The following SH3GL2 variants were observed in gnomAD, a reference collection of about 807,000 sequenced individuals.
The protein encoded by SH3GL2 is SH3 domain containing GRB2 like 2, endophilin A1.
SH3GL2 carries 24 observed loss-of-function variants against 46.0 expected under a neutral mutation model. The ratio of observed to expected loss-of-function variants is 0.52; its 90% CI spans 0.38 to 0.73. The LOEUF is 0.73. Ranked by LOEUF, SH3GL2 falls within the 30% of genes least tolerant of loss-of-function variation. The pLI, the probability that SH3GL2 is intolerant of heterozygous loss-of-function variation, is 0.00. For missense variants in SH3GL2, 413 were observed against 424.2 expected (o/e 0.97, Z 0.23); for synonymous variants, 196 against 147.1 (o/e 1.33, Z -2.40).
chr9:17,795,472 G>A (rs1301174841), intron 8 of SH3GL2, 72 bp from the exon 9 acceptor site: 4 of 1,221,538 alleles, frequency 3.3e-6, no homozygotes, highest in Non-Finnish European at 3.5e-6. Flanking sequence ...GGTACAGCAG[G>A]CAGCAGATTC....
chr9:17,735,816 G>T, intron 1 of SH3GL2: 3 of 821,734 alleles, frequency 3.7e-6, no homozygotes, highest in Non-Finnish European at 4.4e-6. Flanking sequence ...TAGCAGGTAG[G>T]TGGTGTGGGA....
At chr9:17,775,803 A>G (rs923822248) in intron 3 of SH3GL2, among the ~76,000 whole-genome samples, 7 of 152,130 alleles carry the variant, frequency 4.6e-5, no homozygotes, top group African/African-American at 1.2e-4. Flanking sequence ...CAGAACATAA[A>G]GATGTGACTT....
chr9:17,581,801 C>T (rs933351165), intron 1 of SH3GL2, among the ~76,000 whole-genome samples: 2 of 152,154 alleles, frequency 1.3e-5, no homozygotes, highest in Non-Finnish European at 2.9e-5. Flanking sequence ...TGTGTTCAGG[C>T]GATTCTCCTG....
At chr9:17,583,223 T>C (rs778099710) in intron 1 of SH3GL2, among the ~76,000 whole-genome samples, 14 of 152,204 alleles carry the variant, frequency 9.2e-5, no homozygotes, top group African/African-American at 2.9e-4. Context: ...CAAAAAGATA[T>C]ACTTTCTCCT....
intron 2 of SH3GL2, among the ~76,000 whole-genome samples, chr9:17,752,823 A>G (rs1822885087): frequency 6.6e-6 from 1 of 151,860 alleles, no homozygotes; most frequent in Non-Finnish European, 1.5e-5. Context: ...TAAGCCTAGT[A>G]CTCATTAGTT....
At chr9:17,783,141 A>G (rs1823860606) in intron 3 of SH3GL2, among the ~76,000 whole-genome samples, 2 of 152,050 alleles carry the variant, frequency 1.3e-5, no homozygotes, top group East Asian at 3.9e-4. Flanking sequence ...TTTATCATTG[A>G]ACACTGATAA....
intron 1 of SH3GL2, among the ~76,000 whole-genome samples, chr9:17,644,445 T>A (rs1819757724): frequency 6.6e-6 from 1 of 152,190 alleles, no homozygotes; most frequent in Admixed American, 6.5e-5. Context: ...GATCTTTCCC[T>A]CTTTCTCCCG....
intron 1 of SH3GL2, among the ~76,000 whole-genome samples, chr9:17,698,536 A>G (rs1588251858): frequency 6.6e-6 from 1 of 152,216 alleles, no homozygotes; most frequent in South Asian, 2.1e-4. Flanking sequence ...TAGGTTTTAG[A>G]TAAACTAAGA....
chr9:17,664,015 A>G (rs913966111), intron 1 of SH3GL2, among the ~76,000 whole-genome samples: 1 of 152,148 alleles, frequency 6.6e-6, no homozygotes, highest in African/African-American at 2.4e-5. Flanking sequence ...AGAATACTGA[A>G]ACGTAAAAAT....
At chr9:17,689,072 A>G (rs933587315) in intron 1 of SH3GL2, among the ~76,000 whole-genome samples, 1 of 152,058 alleles carries the variant, frequency 6.6e-6, no homozygotes, top group South Asian at 2.1e-4. Context: ...GTGATAAATC[A>G]TGTTGATAGT....
intron 1 of SH3GL2, among the ~76,000 whole-genome samples, chr9:17,697,778 C>T (rs1216092234): frequency 6.6e-6 from 1 of 152,172 alleles, no homozygotes; most frequent in Non-Finnish European, 1.5e-5. Context: ...TTTGCAGAAG[C>T]AGAAAATGCT....
chr9:17,732,913 G>A (rs4961589), intron 1 of SH3GL2, among the ~76,000 whole-genome samples: 16 of 152,042 alleles, frequency 1.1e-4, no homozygotes, highest in Non-Finnish European at 2.4e-4. Flanking sequence ...AGAAGTTTGA[G>A]TGGGTTTGGA....
intron 1 of SH3GL2, among the ~76,000 whole-genome samples, chr9:17,580,013 T>A (rs1818247735): frequency 6.6e-6 from 1 of 152,196 alleles, no homozygotes; most frequent in Non-Finnish European, 1.5e-5. Flanking sequence ...ATCTTTGGCA[T>A]CTTGGATGTG....
chr9:17,737,248 T>C (rs1397718385), intron 1 of SH3GL2, among the ~76,000 whole-genome samples: 4 of 152,062 alleles, frequency 2.6e-5, no homozygotes, highest in Admixed American at 6.6e-5. Context: ...AAATACCTAA[T>C]GTAGATGACA....
rs1038983153 is a variant in SH3GL2, at chr9:17,579,172, C to T, written c.-71C>T. The stretch of plus-strand genomic sequence containing the variant: ...GAGGCGGCCAGGGGAGCGCGCCGCC[C>T]CGCTCGGCCCTCCAGTCCCCCTCCG... On this transcript the variant is annotated 5_prime_UTR_variant, in exon 1 of 9. Transcript: ENST00000380607. 5 of 1,184,742 alleles carry T rather than the reference C, an allele frequency of 4.2e-6. No homozygotes were observed. Among genetic ancestry groups the T allele is most frequent in the Non-Finnish European group, 5.8e-6 (5 of 859,296 alleles). 73.4% of individuals were successfully genotyped at this position (1,184,742 alleles called of 1,614,324 possible). A position where few individuals can be genotyped will look rare whatever the true frequency, so the allele number is the denominator to read the frequency against.
chr9:17,759,131 C>G (rs772899451), intron 2 of SH3GL2, among the ~76,000 whole-genome samples: 8 of 152,104 alleles, frequency 5.3e-5, no homozygotes, highest in Non-Finnish European at 1.2e-4. Flanking sequence ...CTTCCTTGCT[C>G]ACCTCCCTGT....
chr9:17,633,072 A>G (rs997591199), intron 1 of SH3GL2, among the ~76,000 whole-genome samples: 1 of 152,176 alleles, frequency 6.6e-6, no homozygotes. Flanking sequence ...GTCAGCCATC[A>G]TTGGTCCTCC....
chr9:17,641,586 C>G (rs1819683520), intron 1 of SH3GL2, among the ~76,000 whole-genome samples: 1 of 152,152 alleles, frequency 6.6e-6, no homozygotes, highest in Non-Finnish European at 1.5e-5. Context: ...GCTATCCCTT[C>G]CCTTGCCCCA....
At chr9:17,636,672 A>C (rs900008560) in intron 1 of SH3GL2, among the ~76,000 whole-genome samples, 8 of 152,180 alleles carry the variant, frequency 5.3e-5, no homozygotes, top group Non-Finnish European at 1.0e-4. Flanking sequence ...CATCACCCTT[A>C]TATCAACTGG....
Sources: allele counts gnomAD v4.1 joint callset (sites outside exome capture counted in the v4.1 genomes callset), GRCh38; gene constraint gnomAD v4.1.1; transcripts MANE v1.5; gene names NCBI Gene and HGNC (gene_info 2026-07-23, HGNC 2026-07-21).